CWC27: variants seen among roughly 807,000 people sequenced by gnomAD.
CWC27 encodes spliceosome-associated protein CWC27 homolog.
Under a neutral mutation model 63.6 loss-of-function variants are expected in CWC27, and 47 were observed. That is an observed-to-expected ratio of 0.74 (90% CI 0.58 to 0.94). The LOEUF (loss-of-function observed/expected upper bound fraction) is 0.94, where lower values mean the gene tolerates loss of function less well. Ranked by LOEUF, CWC27 falls within the 40% of genes least tolerant of loss-of-function variation. The probability of loss-of-function intolerance (pLI) is 0.00; values close to 1 mark genes in which losing one functional copy is unlikely to be tolerated. For synonymous variants in CWC27, 175 were observed against 179.8 expected (o/e 0.97, Z 0.22); for missense variants, 495 against 554.3 (o/e 0.89, Z 1.07).
chr5:64,775,752 G>C (rs913356985), intron 2 of CWC27, among the ~76,000 whole-genome samples: 1 of 152,012 alleles, frequency 6.6e-6, no homozygotes, highest in Non-Finnish European at 1.5e-5. Flanking sequence ...TCCCTGCAGA[G>C]TATTCTCTTA....
At chr5:64,784,065 A>G (rs1313158138) in intron 4 of CWC27, 86 bp downstream of exon 4, 13 of 1,157,246 alleles carry the variant, frequency 1.1e-5, no homozygotes, top group Middle Eastern at 4.2e-4. Flanking sequence ...TGATTAACTT[A>G]TCTAAGAGCT....
chr5:64,891,712 T>C (rs535119008), intron 11 of CWC27, among the ~76,000 whole-genome samples: 3 of 152,336 alleles, frequency 2.0e-5, no homozygotes, highest in African/African-American at 7.2e-5. Context: ...CCAATTCACA[T>C]ATTTTTATGT....
rs569353872 is a variant in CWC27 at position 64,907,064 on chromosome 5, C to T, written c.1042+21518C>T. ...TACCAGTACCATGCTGTTTTGGTTA[C>T]TGTAGCCTTGTAGTATAGTTTGAAG... On this transcript the variant is annotated intron_variant, in intron 11 of 13. Coordinates refer to ENST00000381070, the MANE Select transcript of CWC27 (RefSeq NM_005869.4). 2.8e-4 allele frequency among the ~76,000 whole-genome samples: 42 copies of T among 152,164 alleles called. 1 individual carries two copies. The highest frequency in any genetic ancestry group is 5.0e-4 in the Non-Finnish European group (34 of 68,020).
At chr5:64,960,354 T>G (rs996621499) in intron 11 of CWC27, among the ~76,000 whole-genome samples, 1 of 152,212 alleles carries the variant, frequency 6.6e-6, no homozygotes, top group African/African-American at 2.4e-5. Context: ...TTTCGTTTTC[T>G]CATTGGCAAA....
intron 5 of CWC27, 42 bp downstream of exon 5, chr5:64,785,621 G>T (rs564487628): frequency 1.6e-6 from 2 of 1,226,516 alleles, no homozygotes; most frequent in South Asian, 1.3e-5. Flanking sequence ...TTACATTGTC[G>T]TTTAAGAGGA....
intron 11 of CWC27, among the ~76,000 whole-genome samples, chr5:64,929,567 C>T (rs371161058): frequency 5.3e-5 from 8 of 152,130 alleles, no homozygotes; most frequent in African/African-American, 1.9e-4. Flanking sequence ...AGACATTTCT[C>T]TGAAAAAGAT....
intron 10 of CWC27, among the ~76,000 whole-genome samples, chr5:64,876,339 T>C (rs1472964655): frequency 6.6e-6 from 1 of 152,138 alleles, no homozygotes; most frequent in African/African-American, 2.4e-5. Flanking sequence ...AGATTGGATA[T>C]CTTTGTGATT....
At chr5:64,805,177 A>G (rs1435093898) in intron 10 of CWC27, among the ~76,000 whole-genome samples, 1 of 151,864 alleles carries the variant, frequency 6.6e-6, no homozygotes, top group Non-Finnish European at 1.5e-5. Flanking sequence ...TTTCCACGCT[A>G]TCATTGCATA....
At chr5:64,897,018 C>A (rs894750107) in intron 11 of CWC27, among the ~76,000 whole-genome samples, 1 of 152,042 alleles carries the variant, frequency 6.6e-6, no homozygotes. Context: ...TCAATACCAG[C>A]CTCGGAAACA....
intron 10 of CWC27, among the ~76,000 whole-genome samples, chr5:64,814,424 T>G (rs1744971089): frequency 6.6e-6 from 1 of 152,176 alleles, no homozygotes; most frequent in African/African-American, 2.4e-5. Flanking sequence ...GCTAGGAAAT[T>G]GTTCTGTTAT....
intron 5 of CWC27, among the ~76,000 whole-genome samples, chr5:64,785,791 A>G (rs1054114096): frequency 6.6e-6 from 1 of 152,138 alleles, no homozygotes; most frequent in African/African-American, 2.4e-5. Flanking sequence ...TGATAATCCA[A>G]TGACTGAAAA....
intron 13 of CWC27, among the ~76,000 whole-genome samples, chr5:64,991,748 C>T (rs1749540727): frequency 6.6e-6 from 1 of 152,104 alleles, no homozygotes; most frequent in South Asian, 2.1e-4. Flanking sequence ...ATACTTAAAA[C>T]AAAATAAAAA....
chr5:64,977,508 C>A (rs1034328313), intron 13 of CWC27, among the ~76,000 whole-genome samples: 2 of 152,134 alleles, frequency 1.3e-5, no homozygotes, highest in African/African-American at 4.8e-5. Context: ...ATGACACTAT[C>A]CCAGTTCTAA....
At chr5:64,988,981 G>A (rs1413324258) in intron 13 of CWC27, among the ~76,000 whole-genome samples, 1 of 152,128 alleles carries the variant, frequency 6.6e-6, no homozygotes, top group East Asian at 1.9e-4. Flanking sequence ...CTGACTTTAT[G>A]GATTCCCTTT....
chr5:64,837,133 C>T (rs190902380), intron 10 of CWC27, among the ~76,000 whole-genome samples: 129 of 152,166 alleles, frequency 8.5e-4, no homozygotes, highest in African/African-American at 2.0e-3. Flanking sequence ...TTTCCAGGTA[C>T]AAATGAGAAA....
chr5:64,876,985 A>C (rs140621852), intron 10 of CWC27, among the ~76,000 whole-genome samples: 243 of 152,192 alleles, frequency 1.6e-3, no homozygotes, highest in African/African-American at 5.6e-3. Context: ...TTGTAGTAAT[A>C]AAAATTTTCT....
intron 13 of CWC27, among the ~76,000 whole-genome samples, chr5:64,984,898 T>G (rs1386976626): frequency 3.9e-5 from 6 of 152,220 alleles, no homozygotes; most frequent in Non-Finnish European, 8.8e-5. Flanking sequence ...TTCCTAAGTT[T>G]TCTTTTAAAC....
intron 13 of CWC27, among the ~76,000 whole-genome samples, chr5:64,994,451 T>G (rs1749593897): frequency 6.6e-6 from 1 of 152,224 alleles, no homozygotes; most frequent in South Asian, 2.1e-4. Context: ...GTAAATTCAT[T>G]GTTATTTCCT....
At chr5:64,903,204 T>C (rs1747546872) in intron 11 of CWC27, among the ~76,000 whole-genome samples, 1 of 152,192 alleles carries the variant, frequency 6.6e-6, no homozygotes, top group Admixed American at 6.5e-5. Context: ...TAAATCATTC[T>C]ACTATAAAGA....
Sources: gnomAD v4.1 joint callset for allele counts (sites outside exome capture counted in the v4.1 genomes callset) on GRCh38, gnomAD v4.1.1 for gene constraint, MANE v1.5 for transcripts, NCBI Gene and HGNC (gene_info 2026-07-23, HGNC 2026-07-21) for gene names.